The following PHACTR3 variants were observed in gnomAD, a reference collection of about 807,000 sequenced individuals.
The protein encoded by PHACTR3 is phosphatase and actin regulator 3.
Under a neutral mutation model 66.8 loss-of-function variants are expected in PHACTR3, and 16 were observed. That is an observed-to-expected ratio of 0.24 (90% confidence interval 0.16 to 0.36). PHACTR3 has a LOEUF of 0.36. Ranked by LOEUF, PHACTR3 falls within the 10% of genes least tolerant of loss-of-function variation. The pLI is 1.00. For synonymous variants in PHACTR3, 323 were observed against 292.1 expected, an observed-to-expected ratio of 1.11 and a Z score of -1.08; for missense variants, 647 against 719.9, an observed-to-expected ratio of 0.90 and a Z score of 1.16.
intron 11 of PHACTR3, among the ~76,000 whole-genome samples, chr20:59,842,302 A>G (rs2059078634): frequency 1.3e-5 from 2 of 152,186 alleles, no homozygotes. Flanking sequence ...GAAGAGAAAA[A>G]TTATACATTC....
intron 1 of PHACTR3, among the ~76,000 whole-genome samples, chr20:59,653,389 T>A (rs1024815515): frequency 5.3e-5 from 8 of 152,266 alleles, no homozygotes; most frequent in African/African-American, 1.7e-4. Flanking sequence ...TTCACTATGT[T>A]GGTCAGGCTG....
rs368819990 is a variant in PHACTR3, at chr20:59,627,141, G to A, written c.118+22009G>A. ...ACAATCCTCAGCTGACGAAATGGGAGTAAACATCCCAGGCATGCATCCTTT... is the reference window on the plus strand; with the variant it reads ...ACAATCCTCAGCTGACGAAATGGGAATAAACATCCCAGGCATGCATCCTTT... On this transcript the variant is annotated intron_variant, in intron 1 of 12. Coordinates refer to ENST00000371015, the MANE Select transcript of PHACTR3 (RefSeq NM_080672.5). Among the ~76,000 whole-genome samples the A allele has an allele frequency of 7.9e-5, 12 of 152,310 alleles. No homozygotes were observed. The South Asian group carries it at 1.0e-3, about 13-fold the overall frequency.
intron 12 of PHACTR3, 86 bp from the exon 13 acceptor site, chr20:59,847,029 G>A: frequency 4.3e-6 from 4 of 928,298 alleles, no homozygotes; most frequent in Non-Finnish European, 5.1e-6. Context: ...TTTAATAGCA[G>A]CAAATTTATT....
intron 1 of PHACTR3, among the ~76,000 whole-genome samples, chr20:59,612,842 G>C (rs1298595500): frequency 6.6e-6 from 1 of 152,190 alleles, no homozygotes; most frequent in Non-Finnish European, 1.5e-5. Context: ...CGGGAAGCGT[G>C]GTGCCAGCAT....
At chr20:59,821,883 TGAG>T (rs1288261556) in intron 8 of PHACTR3, among the ~76,000 whole-genome samples, 4 of 151,298 alleles carry the variant, frequency 2.6e-5, no homozygotes, top group Non-Finnish European at 4.4e-5. Context: ...GGCAGGAAGT[TGAG>T]GAGGAGGAGG....
At chr20:59,677,481 G>A (rs888393995) in intron 1 of PHACTR3, among the ~76,000 whole-genome samples, 1 of 152,178 alleles carries the variant, frequency 6.6e-6, no homozygotes, top group Non-Finnish European at 1.5e-5. Context: ...GCCCAAGAAG[G>A]CGATGGAGAA....
chr20:59,768,909 A>G (rs2040273423), intron 5 of PHACTR3, among the ~76,000 whole-genome samples: 2 of 152,226 alleles, frequency 1.3e-5, no homozygotes, highest in Non-Finnish European at 2.9e-5. Context: ...GGGACTGCAG[A>G]TGTCCTGGAT....
intron 1 of PHACTR3, among the ~76,000 whole-genome samples, chr20:59,659,811 T>C (rs1243157183): frequency 1.3e-5 from 2 of 152,048 alleles, no homozygotes; most frequent in Non-Finnish European, 2.9e-5. Flanking sequence ...ATATCTGCAG[T>C]ACTAGCTTTC....
chr20:59,613,883 TAGGC>T (rs1449978413), intron 1 of PHACTR3, among the ~76,000 whole-genome samples: 3 of 152,224 alleles, frequency 2.0e-5, no homozygotes, highest in African/African-American at 4.8e-5. Context: ...GGGAACAAGA[TAGGC>T]AGGGTCACTG....
intron 1 of PHACTR3, among the ~76,000 whole-genome samples, chr20:59,609,160 G>A (rs1013857117): frequency 1.3e-5 from 2 of 152,198 alleles, no homozygotes; most frequent in Admixed American, 6.5e-5. Context: ...CCGGGTCCAG[G>A]TCTGCTTTAC....
At chr20:59,842,918 T>A (rs1020734505) in intron 11 of PHACTR3, among the ~76,000 whole-genome samples, 5 of 152,044 alleles carry the variant, frequency 3.3e-5, no homozygotes, top group Non-Finnish European at 7.4e-5. Context: ...GCATCCAAAC[T>A]GGAAAAGAGA....
intron 5 of PHACTR3, among the ~76,000 whole-genome samples, chr20:59,768,237 A>G (rs915369183): frequency 5.9e-5 from 9 of 152,254 alleles, no homozygotes; most frequent in African/African-American, 1.9e-4. Context: ...GGTCTCAGGG[A>G]AAAAGTAGGC....
At chr20:59,704,008 G>T (rs761808928) in intron 1 of PHACTR3, among the ~76,000 whole-genome samples, 1 of 152,078 alleles carries the variant, frequency 6.6e-6, no homozygotes, top group African/African-American at 2.4e-5. Flanking sequence ...CCTTCACACT[G>T]GAATCTTTGA....
chr20:59,830,727 T>C lies in PHACTR3; in HGVS notation c.1329-5778T>C, dbSNP rs1397768841. Among the ~76,000 whole-genome samples the C allele has an allele frequency of 5.3e-5, 8 of 152,164 alleles. No homozygotes were observed. In the East Asian group the frequency reaches 1.5e-3, roughly 29 times the overall value. The stretch of plus-strand genomic sequence containing the variant: ...TCCTCCTGTATTTAGTGTTCTCGAC[T>C]CTCCCAGCATCCCTGTGGGTTTTGT... On this transcript the variant is annotated intron_variant, in intron 8 of 12. Coordinates refer to ENST00000371015, the MANE Select transcript of PHACTR3 (RefSeq NM_080672.5). This position sits in a 1 kb window ranked among gnomAD's most constrained non-coding sequence, Gnocchi z 5.8.
At chr20:59,585,725 G>A (rs1286550092) in intron 1 of PHACTR3, among the ~76,000 whole-genome samples, 1 of 152,186 alleles carries the variant, frequency 6.6e-6, no homozygotes, top group Non-Finnish European at 1.5e-5. Context: ...TGGGGTTGGT[G>A]GCAGGGAGGC....
chr20:59,820,131 G>A lies in PHACTR3; in HGVS notation c.1328+13937G>A, dbSNP rs772457515. Among the ~76,000 whole-genome samples the A allele has an allele frequency of 1.3e-5, 2 of 152,178 alleles. No homozygotes were observed. The highest frequency in any genetic ancestry group is 2.9e-5 in the Non-Finnish European group (2 of 68,038). ...TGCACCTTCCTGAGCTCTTGGCGTG[G>A]CACCACCTCCTGCTTCACCACTGTG... On this transcript the variant is annotated intron_variant, in intron 8 of 12. Transcript: ENST00000371015. This position sits in a 1 kb window ranked among gnomAD's most constrained non-coding sequence, Gnocchi z 4.6.
chr20:59,749,283 C>A (rs773886878), intron 3 of PHACTR3, among the ~76,000 whole-genome samples: 3 of 151,046 alleles, frequency 2.0e-5, no homozygotes, highest in African/African-American at 7.4e-5. Context: ...AATGCTAAGG[C>A]CTTTTCTCAT....
At chr20:59,690,352 C>T (rs772820388) in intron 1 of PHACTR3, among the ~76,000 whole-genome samples, 2 of 152,252 alleles carry the variant, frequency 1.3e-5, no homozygotes, top group Non-Finnish European at 2.9e-5. Flanking sequence ...CCCATCACGT[C>T]ATCCTGTCTG....
intron 1 of PHACTR3, among the ~76,000 whole-genome samples, chr20:59,729,850 T>C (rs1047462479): frequency 6.6e-6 from 1 of 152,172 alleles, no homozygotes; most frequent in African/African-American, 2.4e-5. Context: ...CATTCAAGCA[T>C]GATGTCCTTG....
Sources: allele counts gnomAD v4.1 joint callset (sites outside exome capture counted in the v4.1 genomes callset), GRCh38; gene constraint gnomAD v4.1.1; non-coding constraint Gnocchi (gnomAD v3.1); transcripts MANE v1.5; gene names NCBI Gene and HGNC (gene_info 2026-07-23, HGNC 2026-07-21).